The following TRPV4 variants were observed in gnomAD, a reference collection of about 807,000 sequenced individuals.
The protein encoded by TRPV4 is transient receptor potential cation channel subfamily V member 4.
A neutral mutation model predicts 84.1 loss-of-function variants in TRPV4; 58 were observed. The observed-to-expected ratio is 0.69, with a 90% CI of 0.56 to 0.86. The LOEUF is 0.86. TRPV4 is among the 40% of genes least tolerant of loss of function. The pLI is 0.00. For missense variants in TRPV4, 879 were observed against 1,181.1 expected (o/e 0.74, Z 3.75); for synonymous variants, 489 against 500.9 (o/e 0.98, Z 0.32).
intron 1 of TRPV4, among the ~76,000 whole-genome samples, chr12:109,822,494 C>A (rs1443989415): frequency 6.6e-6 from 1 of 152,214 alleles, no homozygotes; most frequent in Non-Finnish European, 1.5e-5. Context: ...CCACCCCCTC[C>A]CCACCTTCCA....
chr12:109,800,429 C>T (rs1890699900), intron 5 of TRPV4, among the ~76,000 whole-genome samples, 189 bp downstream of exon 5: 1 of 152,186 alleles, frequency 6.6e-6, no homozygotes, highest in Non-Finnish European at 1.5e-5. Flanking sequence ...GGCACTTACA[C>T]CTCAGAGGCA....
Position 109,808,359 on chromosome 12 carries a change from G to T in TRPV4, c.496C>A (p.Leu166Met), listed in dbSNP as rs753494601. Residue 166 changes from leucine (L) to methionine (M), a missense_variant, in exon 3 of 16, where the codon CTG becomes ATG. Transcript: ENST00000261740. ...DIVSRGSTADLDGLLPFLLTH... is the reference protein window; with the variant it reads ...DIVSRGSTADMDGLLPFLLTH... ...AGCAAGAATGGGAGCAGCCCGTCCAGGTCAGCAGTGGAGCCCCGGGACACG... is the reference window on the plus strand; with the variant it reads ...AGCAAGAATGGGAGCAGCCCGTCCATGTCAGCAGTGGAGCCCCGGGACACG... The T allele has an allele frequency of 5.6e-6, 9 of 1,614,120 alleles. No homozygotes were observed. Among genetic ancestry groups the T allele is most frequent in the Non-Finnish European group, 7.6e-6 (9 of 1,180,048 alleles).
Position 109,798,762 on chromosome 12 carries a change from G to A in TRPV4, c.1004C>T (p.Thr335Ile). The change falls in exon 6 of 16, where the codon ACC becomes ATC. Residue 335 changes from threonine (T) to isoleucine (I), a missense_variant. Physicochemically the swap from Thr to Ile is moderately conservative, Grantham distance 89. Coordinates refer to ENST00000261740, the MANE Select transcript of TRPV4 (RefSeq NM_021625.5). This position sits in a 1 kb window ranked among gnomAD's most constrained non-coding sequence, Gnocchi z 5.0. ...GGTAACAAACTTGGTGTTCTCACGG[G>A]TGTTGTCAGCAATGGCCACCAGCGC... ...LHALVAIADN[T>I]RENTKFVTKM... The A allele has an allele frequency of 6.2e-7, 1 of 1,614,168 alleles. No individual in the cohort carries two copies. Among genetic ancestry groups the A allele is most frequent in the South Asian group, 1.1e-5 (1 of 91,074 alleles).
In TRPV4 at chr12:109,796,474, C is replaced by A. The variant is rs55778022; in HGVS notation, c.1332+51G>T. The A allele has an allele frequency of 7.3e-5, 117 of 1,606,912 alleles. No individual in the cohort carries two copies. In the East Asian group the frequency reaches 2.6e-3, roughly 35 times the overall value. On this transcript the variant is annotated intron_variant, in intron 7 of 15. Transcript: ENST00000261740. The surrounding 1 kb of genome is among the most constrained non-coding windows in gnomAD (Gnocchi z 4.2). The stretch of plus-strand genomic sequence containing the variant: ...CCAGCCCCAGGGCCCTGTCCCTACT[C>A]CCAGCCCTGCCCCTCCTTCCTCACA...
intron 12 of TRPV4, among the ~76,000 whole-genome samples, chr12:109,790,396 C>T (rs1018754046): frequency 6.6e-6 from 1 of 152,204 alleles, no homozygotes; most frequent in Non-Finnish European, 1.5e-5. Context: ...GGTCCCTGGT[C>T]CTTCTCCCAT....
At chr12:109,809,112 T>C (rs1194366059) in intron 2 of TRPV4, among the ~76,000 whole-genome samples, 12 of 94,654 alleles carry the variant, frequency 1.3e-4, no homozygotes, top group Admixed American at 2.2e-4. Context: ...CACCCACCAT[T>C]CACCCATCCA....
intron 4 of TRPV4, among the ~76,000 whole-genome samples, chr12:109,802,197 A>G (rs140659727): frequency 0.015 from 2,299 of 149,560 alleles, 52 homozygotes; most frequent in African/African-American, 0.054. Context: ...TGGCACAATC[A>G]TAGCTCACTG....
chr12:109,811,005 C>G (rs192563585), intron 2 of TRPV4, among the ~76,000 whole-genome samples: 1 of 152,264 alleles, frequency 6.6e-6, no homozygotes, highest in African/African-American at 2.4e-5. Flanking sequence ...AACTGTGAGG[C>G]CCTATTCCTT....
intron 1 of TRPV4, among the ~76,000 whole-genome samples, chr12:109,829,942 AG>A (rs1451738523): frequency 5.3e-5 from 8 of 152,200 alleles, no homozygotes; most frequent in Non-Finnish European, 2.9e-5. Context: ...CAGCCTCTCA[AG>A]TAGCTGGCAC....
At chr12:109,827,877 T>TAC (rs1475063551) in intron 1 of TRPV4, among the ~76,000 whole-genome samples, 2 of 151,174 alleles carry the variant, frequency 1.3e-5, no homozygotes, top group Non-Finnish European at 3.0e-5. Flanking sequence ...CACATACACA[T>TAC]ACACACACAG....
In TRPV4 at chr12:109,814,814, C is replaced by T. The variant is rs1891767741; in HGVS notation, c.-18G>A. The stretch of plus-strand genomic sequence containing the variant: ...TCCGCCATGCCTGCCCCAGGCCCGT[C>T]TGCACTGCTCAGCCTGCAAGGGAAT... On this transcript the variant is annotated 5_prime_UTR_variant, in exon 2 of 16. Coordinates refer to ENST00000261740, the MANE Select transcript of TRPV4 (RefSeq NM_021625.5). The surrounding 1 kb of genome is among the most constrained non-coding windows in gnomAD (Gnocchi z 5.4). 3 of 1,536,702 alleles carry T rather than the reference C, an allele frequency of 2.0e-6. No individual in the cohort carries two copies. Among genetic ancestry groups the T allele is most frequent in the Non-Finnish European group, 2.6e-6 (3 of 1,146,788 alleles).
At chr12:109,813,605 T>A (rs1339466747) in intron 2 of TRPV4, among the ~76,000 whole-genome samples, 1 of 151,982 alleles carries the variant, frequency 6.6e-6, no homozygotes, top group African/African-American at 2.4e-5. Context: ...GATGAATGGA[T>A]GAACAGACAA....
chr12:109,806,699 GA>G (rs67356085), intron 3 of TRPV4, among the ~76,000 whole-genome samples: 130,727 of 147,466 alleles, frequency 0.89, 58,183 homozygotes, highest in East Asian at 0.94. Flanking sequence ...TAAAAAAAAA[GA>G]AAAAAAAAAA....
rs1180494800 is a variant in TRPV4, at chr12:109,795,926, A to AT, written c.1332+598dup. Reference sequence around the variant, plus strand: ...CCATGCCTAGCTAATTTTCATTTTTATTATTTTTTTTTGGTAGAGACGGGG... The same window carrying AT: ...CCATGCCTAGCTAATTTTCATTTTTATTTATTTTTTTTTGGTAGAGACGGGG... On this transcript the variant is annotated intron_variant, in intron 7 of 15. Transcript: ENST00000261740. Among the ~76,000 whole-genome samples, 341 of 98,814 alleles carry AT rather than the reference A, an allele frequency of 3.5e-3. 1 individual carries two copies. Among genetic ancestry groups the AT allele is most frequent in the African/African-American group, 0.014 (322 of 22,544 alleles). The allele number at this position is 98,814 out of a possible 152,430, so 64.8% of individuals were successfully genotyped here. A position where few individuals can be genotyped will look rare whatever the true frequency, so the allele number is the denominator to read the frequency against.
intron 1 of TRPV4, among the ~76,000 whole-genome samples, chr12:109,829,763 G>A (rs1437293191): frequency 6.6e-6 from 1 of 152,228 alleles, no homozygotes; most frequent in East Asian, 1.9e-4. Context: ...CTCCTCCAGC[G>A]GGGAATAGCA....
rs1373550905 is a variant in TRPV4 at position 109,783,378 on chromosome 12, G to A, written c.*243C>T. ...AGAGGCAGGGGCTGGGGCCTGAGGT[G>A]GAGGGGCTCTGGCGTTGGCTTATGT... On this transcript the variant is annotated 3_prime_UTR_variant, in exon 16 of 16. Coordinates refer to ENST00000261740, the MANE Select transcript of TRPV4 (RefSeq NM_021625.5). This position sits in a 1 kb window ranked among gnomAD's most constrained non-coding sequence, Gnocchi z 4.6. The A allele has an allele frequency of 1.9e-6, 1 of 513,904 alleles. No individual in the cohort carries two copies. Among genetic ancestry groups the A allele is most frequent in the African/African-American group, 1.9e-5 (1 of 51,700 alleles). The allele number at this position is 513,904 out of a possible 1,614,324, so 31.8% of individuals were successfully genotyped here.
intron 2 of TRPV4, among the ~76,000 whole-genome samples, chr12:109,810,024 T>G (rs1891424774): frequency 2.0e-5 from 3 of 152,064 alleles, no homozygotes; most frequent in Non-Finnish European, 4.4e-5. Flanking sequence ...CAGAGGCAGA[T>G]GGCGGAAGGG....
intron 1 of TRPV4, among the ~76,000 whole-genome samples, chr12:109,819,628 C>G (rs1196031025): frequency 1.3e-5 from 2 of 152,254 alleles, no homozygotes; most frequent in African/African-American, 2.4e-5. Flanking sequence ...GTGGCACAAT[C>G]TCAGCTCACT....
intron 1 of TRPV4, among the ~76,000 whole-genome samples, chr12:109,825,614 C>T (rs1448204447): frequency 1.3e-5 from 2 of 152,156 alleles, no homozygotes; most frequent in Non-Finnish European, 2.9e-5. Flanking sequence ...GAAAGGGTTT[C>T]CTCGCCACCT....
Sources: gnomAD v4.1 joint callset for allele counts (sites outside exome capture counted in the v4.1 genomes callset) on GRCh38, gnomAD v4.1.1 for gene constraint, Gnocchi (gnomAD v3.1) non-coding constraint, MANE v1.5 for transcripts, NCBI Gene and HGNC (gene_info 2026-07-23, HGNC 2026-07-21) for gene names.